RAB3C: variants seen among roughly 807,000 people sequenced by gnomAD.
RAB3C encodes the protein ras-related protein Rab-3C.
Under a neutral mutation model 26.4 loss-of-function variants are expected in RAB3C, and 17 were observed. That is an observed-to-expected ratio of 0.64 (90% confidence interval 0.44 to 0.97). The LOEUF is 0.97. Ranked by LOEUF, RAB3C falls within the 50% of genes least tolerant of loss-of-function variation. The probability of loss-of-function intolerance (pLI) is 0.00; values close to 1 mark genes in which losing one functional copy is unlikely to be tolerated. For missense variants in RAB3C, 242 were observed against 281.9 expected (o/e 0.86, Z 1.01); for synonymous variants, 91 against 95.9 (o/e 0.95, Z 0.30).
At chr5:58,722,084 A>G (rs549138321) in intron 2 of RAB3C, among the ~76,000 whole-genome samples, 1 of 151,988 alleles carries the variant, frequency 6.6e-6, no homozygotes, top group African/African-American at 2.4e-5. Context: ...AAGATTAAAT[A>G]TGTCCACATA....
intron 1 of RAB3C, among the ~76,000 whole-genome samples, chr5:58,611,805 C>A (rs1435652393): frequency 6.6e-6 from 1 of 152,102 alleles, no homozygotes; most frequent in Non-Finnish European, 1.5e-5. Flanking sequence ...GAAATCTTTG[C>A]CTGCTCCTAT....
chr5:58,625,583 G>T (rs1175433888), intron 2 of RAB3C, among the ~76,000 whole-genome samples: 1 of 152,142 alleles, frequency 6.6e-6, no homozygotes, highest in Admixed American at 6.5e-5. Flanking sequence ...TACCGGCCGG[G>T]CACTGTGGCT....
intron 2 of RAB3C, among the ~76,000 whole-genome samples, chr5:58,628,977 ACC>A (rs1433629553): frequency 7.4e-6 from 1 of 135,344 alleles, no homozygotes; most frequent in Non-Finnish European, 1.5e-5. Context: ...TTGCTTGAGT[ACC>A]CAGAAGTTCA....
At chr5:58,790,008 G>A (rs1317329047) in intron 3 of RAB3C, among the ~76,000 whole-genome samples, 1 of 152,176 alleles carries the variant, frequency 6.6e-6, no homozygotes, top group Non-Finnish European at 1.5e-5. Flanking sequence ...GGTTTTAAAA[G>A]CTCCCCAGGT....
At chr5:58,623,569 G>C (rs1746978551) in intron 2 of RAB3C, among the ~76,000 whole-genome samples, 1 of 152,212 alleles carries the variant, frequency 6.6e-6, no homozygotes, top group African/African-American at 2.4e-5. Context: ...TTGAGAGAAA[G>C]CTGATACTGT....
At chr5:58,851,120 G>C (rs754449543) in intron 4 of RAB3C, 44 bp from the exon 5 acceptor site, 8 of 1,542,164 alleles carry the variant, frequency 5.2e-6, no homozygotes, top group Non-Finnish European at 7.0e-6. Flanking sequence ...TTTAATTTCA[G>C]AAATGCAAAA....
chr5:58,732,584 G>A (rs1237870610), intron 3 of RAB3C, among the ~76,000 whole-genome samples: 1 of 152,104 alleles, frequency 6.6e-6, no homozygotes. Context: ...TATAATCCAA[G>A]CACGTAGAGT....
Position 58,700,718 on chromosome 5 carries a change from G to A in RAB3C, c.253-25284G>A, listed in dbSNP as rs149026360. Reference sequence around the variant, plus strand: ...TTTTAATATGATTATTTGATGCATAGGTGTGTATATAAAATATGTAACATG... The same window carrying A: ...TTTTAATATGATTATTTGATGCATAAGTGTGTATATAAAATATGTAACATG... On this transcript the variant is annotated intron_variant, in intron 2 of 4. Coordinates refer to ENST00000282878, the MANE Select transcript of RAB3C (RefSeq NM_138453.4). 1.1e-3 allele frequency among the ~76,000 whole-genome samples: 167 copies of A among 152,232 alleles called. 1 individual carries two copies. The highest frequency in any genetic ancestry group is 3.7e-3 in the African/African-American group (155 of 41,530).
rs374430564 is a variant in RAB3C, at chr5:58,645,759, G to A, written c.252+27889G>A. Among the ~76,000 whole-genome samples, 196 of 152,282 alleles carry A rather than the reference G, an allele frequency of 1.3e-3. 1 individual carries two copies. Among genetic ancestry groups the A allele is most frequent in the South Asian group, 8.5e-3 (41 of 4,826 alleles). On this transcript the variant is annotated intron_variant, in intron 2 of 4. Coordinates refer to ENST00000282878, the MANE Select transcript of RAB3C (RefSeq NM_138453.4). ...TTCCCTGAGCCCTGAGGTCAAGAAC[G>A]AATTAATTGAAGAGTGAAGGATTGG...
chr5:58,820,049 G>C (rs900576750), intron 3 of RAB3C, among the ~76,000 whole-genome samples: 1 of 152,040 alleles, frequency 6.6e-6, no homozygotes, highest in Non-Finnish European at 1.5e-5. Context: ...TGCAGAAAGA[G>C]GTATAAATTT....
rs1742287771 is a variant in RAB3C at position 58,782,258 on chromosome 5, A to C, written c.372-42780A>C. On this transcript the variant is annotated intron_variant, in intron 3 of 4. Transcript: ENST00000282878. ...GCAGGCGAGGCTTGGAAGAGAAAGC[A>C]TCCTTGACATAAGTGAGCTTTCTCT... Among the ~76,000 whole-genome samples, 3 of 152,124 alleles carry C rather than the reference A, an allele frequency of 2.0e-5. No homozygotes were observed. The South Asian group carries it at 6.2e-4, about 31-fold the overall frequency.
intron 3 of RAB3C, among the ~76,000 whole-genome samples, chr5:58,804,689 G>A (rs1254337700): frequency 6.7e-6 from 1 of 148,676 alleles, no homozygotes; most frequent in Non-Finnish European, 1.5e-5. Flanking sequence ...GTGTGTGTGT[G>A]TATGTATGTA....
intron 3 of RAB3C, chr5:58,822,996 T>C (rs1743377515): frequency 4.9e-6 from 3 of 614,912 alleles, no homozygotes; most frequent in Non-Finnish European, 9.3e-6. Flanking sequence ...TTTGGGGCCT[T>C]GAAGGGAGCT....
chr5:58,757,739 AG>A (rs1741705755), intron 3 of RAB3C, among the ~76,000 whole-genome samples: 1 of 152,216 alleles, frequency 6.6e-6, no homozygotes, highest in Non-Finnish European at 1.5e-5. Flanking sequence ...AAAACATGCT[AG>A]TATCTAGTTT....
At chr5:58,602,468 C>T (rs1276086364) in intron 1 of RAB3C, among the ~76,000 whole-genome samples, 8 of 152,032 alleles carry the variant, frequency 5.3e-5, no homozygotes, top group Non-Finnish European at 1.5e-5. Flanking sequence ...CCCACTAGTA[C>T]TGTGTTGCTA....
chr5:58,648,692 G>A (rs977650691), intron 2 of RAB3C, among the ~76,000 whole-genome samples: 2 of 152,058 alleles, frequency 1.3e-5, no homozygotes, highest in Admixed American at 1.3e-4. Flanking sequence ...TAAAATAGAT[G>A]CATTAAAATA....
intron 2 of RAB3C, among the ~76,000 whole-genome samples, chr5:58,664,070 A>T (rs1380773136): frequency 1.3e-5 from 2 of 152,206 alleles, no homozygotes; most frequent in Non-Finnish European, 2.9e-5. Flanking sequence ...CCATGAAGTC[A>T]TGGAATTACA....
intron 1 of RAB3C, among the ~76,000 whole-genome samples, chr5:58,601,322 T>A (rs1263158601): frequency 6.6e-6 from 1 of 152,156 alleles, no homozygotes; most frequent in Non-Finnish European, 1.5e-5. Context: ...GGTTGTGTCC[T>A]TTCCTGATTT....
intron 2 of RAB3C, among the ~76,000 whole-genome samples, chr5:58,705,062 T>A (rs1748916778): frequency 6.6e-6 from 1 of 151,814 alleles, no homozygotes. Flanking sequence ...TTATTATTTT[T>A]AAATATCACT....
Sources: allele counts gnomAD v4.1 joint callset (sites outside exome capture counted in the v4.1 genomes callset), GRCh38; gene constraint gnomAD v4.1.1; transcripts MANE v1.5; gene names NCBI Gene and HGNC (gene_info 2026-07-23, HGNC 2026-07-21).